NIM1K: variants seen among roughly 807,000 people sequenced by gnomAD.
The protein encoded by NIM1K is NIM1 serine/threonine protein kinase.
NIM1K carries 35 observed loss-of-function variants against 37.1 expected under a neutral mutation model. That is an observed-to-expected ratio of 0.94 (90% confidence interval 0.72 to 1.25). The LOEUF is 1.25. Among genes scored for constraint, NIM1K ranks in the 50% most tolerant of loss-of-function variants. The pLI is 0.00. For synonymous variants in NIM1K, 234 were observed against 206.6 expected (o/e 1.13, Z -1.14); for missense variants, 564 against 548.0 (o/e 1.03, Z -0.29).
chr5:43,229,946 T>A (rs544305255), intron 1 of NIM1K, among the ~76,000 whole-genome samples: 1 of 138,256 alleles, frequency 7.2e-6, no homozygotes, highest in Admixed American at 6.8e-5. Flanking sequence ...TTTAGCCTCT[T>A]TTTTTTTTTC....
intron 1 of NIM1K, among the ~76,000 whole-genome samples, chr5:43,220,071 A>G (rs2112229096): frequency 6.6e-6 from 1 of 152,150 alleles, no homozygotes; most frequent in South Asian, 2.1e-4. Flanking sequence ...GATAATGCCC[A>G]GTTTATGTAT....
chr5:43,269,840 G>C (rs375417062), intron 2 of NIM1K, among the ~76,000 whole-genome samples: 1 of 152,010 alleles, frequency 6.6e-6, no homozygotes, highest in African/African-American at 2.4e-5. Context: ...GGATGGTCTC[G>C]ATCTCCTGAC....
At chr5:43,198,215 T>C (rs1448357456) in intron 1 of NIM1K, among the ~76,000 whole-genome samples, 6 of 93,500 alleles carry the variant, frequency 6.4e-5, no homozygotes, top group African/African-American at 2.5e-4. Flanking sequence ...TTCTCTTTCT[T>C]TCTTTCTTTC....
intron 1 of NIM1K, among the ~76,000 whole-genome samples, chr5:43,195,527 G>A (rs933218393): frequency 5.9e-5 from 9 of 152,006 alleles, no homozygotes; most frequent in African/African-American, 1.7e-4. Flanking sequence ...GGGTGTGGTG[G>A]TGCATGCCTG....
At chr5:43,195,500 T>G (rs908978510) in intron 1 of NIM1K, among the ~76,000 whole-genome samples, 2 of 151,820 alleles carry the variant, frequency 1.3e-5, no homozygotes, top group Admixed American at 1.3e-4. Context: ...TCTATAAAAA[T>G]TTTTTAAAAA....
At chr5:43,213,983 C>CTTT (rs764323868) in intron 1 of NIM1K, among the ~76,000 whole-genome samples, 3 of 139,104 alleles carry the variant, frequency 2.2e-5, no homozygotes, top group Non-Finnish European at 3.1e-5. Flanking sequence ...CTCTTTCTTT[C>CTTT]TTTTTTTTTT....
intron 1 of NIM1K, among the ~76,000 whole-genome samples, chr5:43,227,513 C>T (rs1302847328): frequency 2.0e-5 from 3 of 152,136 alleles, no homozygotes; most frequent in African/African-American, 2.4e-5. Context: ...GAATCCAACC[C>T]GTCTTCCATA....
intron 3 of NIM1K, among the ~76,000 whole-genome samples, chr5:43,278,468 G>T (rs943621120): frequency 3.3e-5 from 5 of 152,194 alleles, no homozygotes; most frequent in Non-Finnish European, 7.3e-5. Flanking sequence ...TGGCCGTATT[G>T]CGGGCCATAC....
chr5:43,206,266 G>A (rs1033082640), intron 1 of NIM1K, among the ~76,000 whole-genome samples: 1 of 151,968 alleles, frequency 6.6e-6, no homozygotes, highest in African/African-American at 2.4e-5. Context: ...TATGCCTGTA[G>A]TCCCATCACT....
At chr5:43,266,376 T>A (rs1230929782) in intron 2 of NIM1K, among the ~76,000 whole-genome samples, 1 of 152,178 alleles carries the variant, frequency 6.6e-6, no homozygotes, top group African/African-American at 2.4e-5. Flanking sequence ...CAGACTGCTG[T>A]GCTAGCAGTG....
At chr5:43,251,092 G>C (rs1370202763) in intron 2 of NIM1K, among the ~76,000 whole-genome samples, 1 of 152,138 alleles carries the variant, frequency 6.6e-6, no homozygotes, top group Non-Finnish European at 1.5e-5. Flanking sequence ...CAAAATGGTA[G>C]CTGCCATTGC....
intron 2 of NIM1K, among the ~76,000 whole-genome samples, chr5:43,249,466 G>A (rs1297958719): frequency 6.6e-6 from 1 of 152,174 alleles, no homozygotes; most frequent in Admixed American, 6.5e-5. Context: ...GCACTACGTG[G>A]TTCAGTCAAT....
intron 1 of NIM1K, among the ~76,000 whole-genome samples, chr5:43,213,584 C>T (rs1018100648): frequency 6.6e-6 from 1 of 152,190 alleles, no homozygotes; most frequent in Non-Finnish European, 1.5e-5. Flanking sequence ...ACCTCCACTT[C>T]CCAGGTTCAA....
At chr5:43,278,773 C>T (rs1308209706) in intron 3 of NIM1K, among the ~76,000 whole-genome samples, 1 of 152,174 alleles carries the variant, frequency 6.6e-6, no homozygotes, top group Non-Finnish European at 1.5e-5. Flanking sequence ...GCAAGGGAAT[C>T]TGTGGCCTAG....
intron 1 of NIM1K, among the ~76,000 whole-genome samples, chr5:43,198,049 AG>A (rs955423732): frequency 6.6e-6 from 1 of 152,160 alleles, no homozygotes; most frequent in African/African-American, 2.4e-5. Context: ...GCAAGGAAGT[AG>A]GGGGAAAACA....
intron 1 of NIM1K, among the ~76,000 whole-genome samples, chr5:43,226,821 C>T (rs1170225313): frequency 6.6e-6 from 1 of 152,050 alleles, no homozygotes; most frequent in Non-Finnish European, 1.5e-5. Flanking sequence ...AAGTCAAGGA[C>T]CAGATTATGG....
At chr5:43,266,343 A>G (rs112941745) in intron 2 of NIM1K, among the ~76,000 whole-genome samples, 6,918 of 152,234 alleles carry the variant, frequency 0.045, 554 homozygotes, top group African/African-American at 0.16. Context: ...CACCAGCCTC[A>G]TTGCCACCTT....
At chr5:43,249,357 C>G (rs536202293) in intron 2 of NIM1K, among the ~76,000 whole-genome samples, 20 of 152,206 alleles carry the variant, frequency 1.3e-4, no homozygotes, top group African/African-American at 4.6e-4. Flanking sequence ...CCTGAGCCAC[C>G]GTGCCCGGCC....
chr5:43,273,632 TTTC>T (rs1470802926), intron 2 of NIM1K, among the ~76,000 whole-genome samples: 5 of 152,224 alleles, frequency 3.3e-5, no homozygotes, highest in African/African-American at 1.2e-4. Context: ...TATCTGACCT[TTTC>T]CTACTACCAG....
Sources: allele counts gnomAD v4.1 joint callset (sites outside exome capture counted in the v4.1 genomes callset), GRCh38; gene constraint gnomAD v4.1.1; transcripts MANE v1.5; gene names NCBI Gene and HGNC (gene_info 2026-07-23, HGNC 2026-07-21).